Variants in SHANK2 observed in about 807,000 individuals in gnomAD.
The protein encoded by SHANK2 is SH3 and multiple ankyrin repeat domains 2.
In SHANK2, 43 loss-of-function variants were observed where a neutral mutation model predicts 133.7. The observed-to-expected ratio is 0.32, with a 90% confidence interval of 0.25 to 0.41. The LOEUF is 0.41. Among genes scored for constraint, SHANK2 ranks in the 10% least tolerant of loss-of-function variants. The probability of loss-of-function intolerance (pLI) is 1.00; values close to 1 mark genes in which losing one functional copy is unlikely to be tolerated. For missense variants in SHANK2, 1,994 were observed against 2,235.8 expected, an observed-to-expected ratio of 0.89 and a Z score of 2.18; for synonymous variants, 1,017 against 952.8, an observed-to-expected ratio of 1.07 and a Z score of -1.24.
At chr11:70,719,591 C>G (rs1946031768) in intron 14 of SHANK2, among the ~76,000 whole-genome samples, 1 of 152,046 alleles carries the variant, frequency 6.6e-6, no homozygotes, top group African/African-American at 2.4e-5. Flanking sequence ...TGCCCGTGGT[C>G]TGATGTGATC....
rs1293658043 is a variant in SHANK2 at position 71,252,045 on chromosome 11, A to T, written c.-113+380T>A. On this transcript the variant is annotated intron_variant, in intron 1 of 25. Transcript: ENST00000601538. This position sits in a 1 kb window ranked among gnomAD's most constrained non-coding sequence, Gnocchi z 6.3. The stretch of plus-strand genomic sequence containing the variant: ...CCGGGAGAGCGGGGGAGGTCGCGCC[A>T]CACGCGCTGTTCCAGAGGAAGGGGC... Among the ~76,000 whole-genome samples, 1 of 152,034 alleles carries T rather than the reference A, an allele frequency of 6.6e-6. No homozygotes were observed. The highest frequency in any genetic ancestry group is 1.5e-5 in the Non-Finnish European group (1 of 67,974).
At chr11:70,542,262 A>G (rs1475040642) in intron 17 of SHANK2, among the ~76,000 whole-genome samples, 22 of 152,202 alleles carry the variant, frequency 1.4e-4, no homozygotes, top group African/African-American at 5.3e-4. Context: ...ATCCTCGGTT[A>G]CTGAAGTGGG....
intron 17 of SHANK2, among the ~76,000 whole-genome samples, chr11:70,586,607 A>G (rs1554986794): frequency 6.6e-6 from 1 of 152,240 alleles, no homozygotes; most frequent in Non-Finnish European, 1.5e-5. Context: ...GCAGACTCTC[A>G]GTACAGATCG....
At chr11:71,193,802 C>T (rs114211284) in intron 2 of SHANK2, among the ~76,000 whole-genome samples, 132 of 152,260 alleles carry the variant, frequency 8.7e-4, no homozygotes, top group African/African-American at 3.1e-3. Context: ...ACAGATTGTT[C>T]CAGGGCCCTC....
At chr11:70,621,359 G>A (rs923411532) in intron 17 of SHANK2, among the ~76,000 whole-genome samples, 7 of 152,228 alleles carry the variant, frequency 4.6e-5, no homozygotes, top group South Asian at 2.1e-4. Context: ...TGGAACATGC[G>A]AAGCAGAACC....
intron 17 of SHANK2, among the ~76,000 whole-genome samples, chr11:70,636,237 CTGAG>C (rs1320289087): frequency 6.6e-6 from 1 of 152,064 alleles, no homozygotes; most frequent in South Asian, 2.1e-4. Context: ...GAATGTGAGT[CTGAG>C]TGTATGAGCA....
chr11:70,506,446 T>C (rs2059138380), intron 17 of SHANK2, among the ~76,000 whole-genome samples: 3 of 152,088 alleles, frequency 2.0e-5, no homozygotes, highest in Admixed American at 6.5e-5. Flanking sequence ...TCAGAGGAAA[T>C]GAGGCTCCCA....
chr11:70,803,170 C>T (rs1341937971), intron 13 of SHANK2, among the ~76,000 whole-genome samples: 1 of 151,726 alleles, frequency 6.6e-6, no homozygotes, highest in African/African-American at 2.4e-5. Flanking sequence ...GGACAAAACA[C>T]ACACTGCTAT....
intron 15 of SHANK2, among the ~76,000 whole-genome samples, chr11:70,688,508 A>G (rs1417195265): frequency 6.6e-6 from 1 of 152,172 alleles, no homozygotes; most frequent in Non-Finnish European, 1.5e-5. Context: ...GAGACTCATG[A>G]CCCACTGTGC....
intron 9 of SHANK2, among the ~76,000 whole-genome samples, chr11:71,064,220 C>G (rs1324035367): frequency 6.6e-6 from 1 of 152,198 alleles, no homozygotes; most frequent in Non-Finnish European, 1.5e-5. Flanking sequence ...CAGGCTTGGG[C>G]TGGAGAGGGG....
chr11:70,953,800 C>T (rs1380081774), intron 10 of SHANK2, among the ~76,000 whole-genome samples: 1 of 152,216 alleles, frequency 6.6e-6, no homozygotes, highest in African/African-American at 2.4e-5. Context: ...GGGCATCCCT[C>T]AATCAAGTTG....
intron 17 of SHANK2, among the ~76,000 whole-genome samples, chr11:70,577,359 C>A (rs557098510): frequency 6.6e-6 from 1 of 152,226 alleles, no homozygotes; most frequent in African/African-American, 2.4e-5. Context: ...GCCGTGGCCA[C>A]GCCTGTCTCC....
At chr11:71,163,093 A>AAAAAACATAT in intron 2 of SHANK2, among the ~76,000 whole-genome samples, 2 of 84,678 alleles carry the variant, frequency 2.4e-5, no homozygotes, top group African/African-American at 9.2e-5. Context: ...AAAAAAAAAA[A>AAAAAACATAT]ATACATATAT....
chr11:70,737,937 C>T (rs548031037), intron 14 of SHANK2, among the ~76,000 whole-genome samples: 35 of 152,360 alleles, frequency 2.3e-4, no homozygotes, highest in African/African-American at 7.9e-4. Context: ...TGTGAAGGTG[C>T]CCTACGGTGA....
At chr11:71,222,836 C>T (rs1555121485) in intron 2 of SHANK2, among the ~76,000 whole-genome samples, 2 of 152,238 alleles carry the variant, frequency 1.3e-5, no homozygotes, top group Non-Finnish European at 1.5e-5. Context: ...CCTTGTGACA[C>T]CTTTCGAGGA....
chr11:71,089,800 G>A (rs1408470682), intron 8 of SHANK2, among the ~76,000 whole-genome samples: 1 of 152,220 alleles, frequency 6.6e-6, no homozygotes, highest in Non-Finnish European at 1.5e-5. Context: ...GCTGTGGAGA[G>A]GCTCAGAAGG....
intron 10 of SHANK2, among the ~76,000 whole-genome samples, chr11:70,947,931 G>A (rs1408712716): frequency 1.3e-5 from 2 of 152,142 alleles, no homozygotes; most frequent in Admixed American, 6.5e-5. Flanking sequence ...GCCAAGCAAC[G>A]TGGCCCTCTG....
chr11:70,574,628 T>G (rs2060092234), intron 17 of SHANK2, among the ~76,000 whole-genome samples: 2 of 150,972 alleles, frequency 1.3e-5, no homozygotes, highest in African/African-American at 4.9e-5. Flanking sequence ...CTTCTCTGAC[T>G]CTGCATGCAG....
intron 17 of SHANK2, among the ~76,000 whole-genome samples, chr11:70,617,201 AGTGT>A (rs1313405682): frequency 6.8e-6 from 1 of 147,810 alleles, no homozygotes; most frequent in Non-Finnish European, 1.5e-5. Flanking sequence ...TGAATGTGTG[AGTGT>A]GAGTGTCTGA....
Sources: allele counts gnomAD v4.1 joint callset (sites outside exome capture counted in the v4.1 genomes callset), GRCh38; gene constraint gnomAD v4.1.1; non-coding constraint Gnocchi (gnomAD v3.1); transcripts MANE v1.5; gene names NCBI Gene and HGNC (gene_info 2026-07-23, HGNC 2026-07-21).